Variants in UNC5B observed in about 807,000 individuals in gnomAD.
UNC5B encodes the protein netrin receptor UNC5B.
A neutral mutation model predicts 103.7 loss-of-function variants in UNC5B; 56 were observed. The ratio of observed to expected loss-of-function variants is 0.54; its 90% CI spans 0.44 to 0.67. The LOEUF (loss-of-function observed/expected upper bound fraction) is 0.67. Ranked by LOEUF, UNC5B falls within the 30% of genes least tolerant of loss-of-function variation. The probability of loss-of-function intolerance (pLI) is 0.00; values close to 1 mark genes in which losing one functional copy is unlikely to be tolerated. For missense variants in UNC5B, 1,194 were observed against 1,284.5 expected (o/e 0.93, Z 1.08); for synonymous variants, 577 against 542.0 (o/e 1.06, Z -0.90).
chr10:71,236,111 C>G (rs1352151636), intron 1 of UNC5B, among the ~76,000 whole-genome samples: 1 of 152,088 alleles, frequency 6.6e-6, no homozygotes, highest in Non-Finnish European at 1.5e-5. Context: ...GTCCAAAGAC[C>G]TTTCCAAACT....
chr10:71,219,196 G>A (rs1007739953), intron 1 of UNC5B, among the ~76,000 whole-genome samples: 5 of 152,046 alleles, frequency 3.3e-5, no homozygotes, highest in Non-Finnish European at 7.4e-5. Context: ...CACCGAGAAG[G>A]TGGAAGCTCT....
At chr10:71,253,005 T>A (rs113585264) in intron 1 of UNC5B, among the ~76,000 whole-genome samples, 2,099 of 152,314 alleles carry the variant, frequency 0.014, 44 homozygotes, top group Middle Eastern at 0.027. Context: ...CCAGGACCTG[T>A]GTCCAGGACA....
At chr10:71,278,318 G>A (rs1172156666) in intron 1 of UNC5B, among the ~76,000 whole-genome samples, 1 of 152,216 alleles carries the variant, frequency 6.6e-6, no homozygotes, top group Admixed American at 6.5e-5. Context: ...CCTCAGAGCA[G>A]CCCAGAGACG....
rs1845289253 is a variant in UNC5B, at chr10:71,292,450, C to T, written c.1685-17C>T. ...CCTAAGCTCCTGGACTCCCTGCTGA[C>T]TTCCCTCTCCCCCTAGGGGTCAGCT... is the stretch of plus-strand genomic sequence containing the variant. On this transcript the variant is annotated splice_polypyrimidine_tract_variant and intron_variant, in intron 10 of 16. Transcript: ENST00000335350. 2.5e-6 allele frequency: 4 copies of T among 1,577,968 alleles called. No homozygotes were observed. Among genetic ancestry groups the T allele is most frequent in the Non-Finnish European group, 3.4e-6 (4 of 1,160,440 alleles).
At chr10:71,293,273 G>A in intron 11 of UNC5B, 132 bp from the exon 12 acceptor site, 1 of 1,013,750 alleles carries the variant, frequency 9.9e-7, no homozygotes, top group Non-Finnish European at 1.4e-6. Context: ...TGACCTCTGG[G>A]AATGCAGAGC....
intron 1 of UNC5B, among the ~76,000 whole-genome samples, chr10:71,227,328 A>G (rs1355864630): frequency 1.3e-5 from 2 of 152,086 alleles, no homozygotes; most frequent in African/African-American, 2.4e-5. Context: ...ATGGAAAACT[A>G]AAAATCATAT....
chr10:71,272,343 T>C (rs1248487747), intron 1 of UNC5B, among the ~76,000 whole-genome samples: 2 of 152,164 alleles, frequency 1.3e-5, no homozygotes, highest in Non-Finnish European at 2.9e-5. Flanking sequence ...CAGCCCTGCA[T>C]GGCTACAGAT....
chr10:71,241,705 C>T (rs1843905795), intron 1 of UNC5B, among the ~76,000 whole-genome samples: 1 of 151,996 alleles, frequency 6.6e-6, no homozygotes, highest in African/African-American at 2.4e-5. Flanking sequence ...ATCTTTAAAT[C>T]ACAGGCTGTC....
intron 1 of UNC5B, among the ~76,000 whole-genome samples, chr10:71,228,439 A>C (rs978623463): frequency 6.6e-6 from 1 of 152,242 alleles, no homozygotes; most frequent in Non-Finnish European, 1.5e-5. Context: ...AGTACTTGAC[A>C]AACTGAGAGA....
chr10:71,279,449 A>G (rs1477533293), intron 1 of UNC5B, among the ~76,000 whole-genome samples: 1 of 152,152 alleles, frequency 6.6e-6, no homozygotes, highest in Non-Finnish European at 1.5e-5. Flanking sequence ...AACTGGATAG[A>G]AGCCGGGCAG....
At chr10:71,286,059 G>A (rs1442769959) in intron 4 of UNC5B, among the ~76,000 whole-genome samples, 1 of 152,198 alleles carries the variant, frequency 6.6e-6, no homozygotes, top group Non-Finnish European at 1.5e-5. Context: ...TGCGTAGTGG[G>A]CTCAGACAAA....
rs1845394730 is a variant in UNC5B at position 71,295,838 on chromosome 10, G to A, written c.2203G>A (p.Gly735Ser). 6.2e-7 allele frequency: 1 copy of A among 1,612,646 alleles called. No individual in the cohort carries two copies. Among genetic ancestry groups the A allele is most frequent in the African/African-American group, 1.3e-5 (1 of 74,898 alleles). Residue 735 changes from glycine to serine, a missense_variant, in exon 14 of 17, where the codon GGC becomes AGC. By Grantham distance (56) the Gly-to-Ser change is moderately conservative. Transcript: ENST00000335350. Reference sequence around the variant, plus strand: ...GGTGCTGGAGCTGGAGCGGACTCTGGGCGGATACTTGGTGGAGGAGCCGAA... The same window carrying A: ...GGTGCTGGAGCTGGAGCGGACTCTGAGCGGATACTTGGTGGAGGAGCCGAA... ...KEVLELERTL[G>S]GYLVEEPKPL...
chr10:71,269,596 TG>T (rs1305283041), intron 1 of UNC5B, among the ~76,000 whole-genome samples: 2 of 152,008 alleles, frequency 1.3e-5, no homozygotes, highest in African/African-American at 4.8e-5. Flanking sequence ...CCCCTCTGAC[TG>T]CTCCCTCCCC....
At position 71,299,233 on chromosome 10, in the gene UNC5B, A is replaced by T. The variant is rs1400572651; in HGVS notation, c.2794A>T (p.Lys932Ter). The change falls in exon 17 of 17, where the codon AAG becomes TAG. Residue 932 changes from lysine (K) to a stop codon, truncating the protein, a stop_gained. Coordinates refer to ENST00000335350, the MANE Select transcript of UNC5B (RefSeq NM_170744.5). LOFTEE classifies it high-confidence loss of function. ...GGCGAGTGCCTTGGAGGAGATGGGC[A>T]AGAGTGAGATGCTGGTGGCTGTGGC... ...SLASALEEMG[K>*]SEMLVAVATD... 1.2e-6 allele frequency: 2 copies of T among 1,614,106 alleles called. No homozygotes were observed. Among genetic ancestry groups the T allele is most frequent in the Non-Finnish European group, 1.7e-6 (2 of 1,180,038 alleles).
chr10:71,219,089 A>C (rs1419107119), intron 1 of UNC5B, among the ~76,000 whole-genome samples: 1 of 152,162 alleles, frequency 6.6e-6, no homozygotes, highest in African/African-American at 2.4e-5. Context: ...GGCCTATAGG[A>C]AAATCACAGT....
chr10:71,262,874 G>A (rs1844443471), intron 1 of UNC5B, among the ~76,000 whole-genome samples: 1 of 152,162 alleles, frequency 6.6e-6, no homozygotes, highest in Non-Finnish European at 1.5e-5. Context: ...TCTGCCCTGG[G>A]ACCACACAGT....
chr10:71,251,101 C>A (rs1017715993), intron 1 of UNC5B, among the ~76,000 whole-genome samples: 7 of 152,210 alleles, frequency 4.6e-5, no homozygotes, highest in African/African-American at 1.7e-4. Context: ...ATTGCTATCC[C>A]TGTTTTATTT....
At chr10:71,289,110 C>T (rs972851368) in intron 8 of UNC5B, 120 bp downstream of exon 8, 31 of 1,328,422 alleles carry the variant, frequency 2.3e-5, no homozygotes, top group East Asian at 7.0e-5. Context: ...CCACCCCCCA[C>T]GGGATCATCT....
intron 1 of UNC5B, among the ~76,000 whole-genome samples, chr10:71,250,223 C>T (rs1281723283): frequency 6.6e-6 from 1 of 152,216 alleles, no homozygotes; most frequent in Admixed American, 6.5e-5. Context: ...GTGGGGGAGA[C>T]ATCAGAACTC....
Sources: gnomAD v4.1 joint callset for allele counts (sites outside exome capture counted in the v4.1 genomes callset) on GRCh38, gnomAD v4.1.1 for gene constraint, MANE v1.5 for transcripts, NCBI Gene and HGNC (gene_info 2026-07-23, HGNC 2026-07-21) for gene names.